Variants in SUGCT observed in about 807,000 individuals in gnomAD.
SUGCT encodes succinyl-CoA:glutarate CoA-transferase.
In SUGCT, 41 loss-of-function variants were observed where a neutral mutation model predicts 55.0. The ratio of observed to expected loss-of-function variants is 0.74; its 90% CI spans 0.58 to 0.97. The LOEUF (loss-of-function observed/expected upper bound fraction) is 0.97, where lower values mean the gene tolerates loss of function less well. Among genes scored for constraint, SUGCT ranks in the 50% least tolerant of loss-of-function variants. The pLI is 0.00. For missense variants in SUGCT, 568 were observed against 547.8 expected (o/e 1.04, Z -0.37); for synonymous variants, 187 against 200.4 (o/e 0.93, Z 0.56).
intron 8 of SUGCT, among the ~76,000 whole-genome samples, chr7:40,278,265 G>T (rs1048922435): frequency 9.2e-5 from 14 of 152,120 alleles, no homozygotes; most frequent in Non-Finnish European, 1.8e-4. Flanking sequence ...TCATTAAAAA[G>T]TCAGGAAACA....
At chr7:40,752,218 G>A (rs776839204) in intron 13 of SUGCT, among the ~76,000 whole-genome samples, 4 of 152,126 alleles carry the variant, frequency 2.6e-5, no homozygotes, top group South Asian at 2.1e-4. Flanking sequence ...TTTCTAATCC[G>A]TGTGTCTCTC....
chr7:40,215,245 C>T (rs934637140), intron 6 of SUGCT, among the ~76,000 whole-genome samples: 28 of 152,058 alleles, frequency 1.8e-4, no homozygotes, highest in Non-Finnish European at 3.1e-4. Flanking sequence ...TGGGCTCAAA[C>T]GATCTTCCTA....
At chr7:40,220,123 A>C (rs928727229) in intron 6 of SUGCT, among the ~76,000 whole-genome samples, 1 of 152,190 alleles carries the variant, frequency 6.6e-6, no homozygotes, top group Non-Finnish European at 1.5e-5. Flanking sequence ...TCTACTAAAC[A>C]TGGTATGTGA....
chr7:40,907,232 A>G, the SUGCT span, among the ~76,000 whole-genome samples: 1 of 151,884 alleles, frequency 6.6e-6, no homozygotes, highest in Non-Finnish European at 1.5e-5. Context: ...ACTCTTTCTT[A>G]GCTCAGAAAT....
the SUGCT span, among the ~76,000 whole-genome samples, chr7:40,951,473 A>T: frequency 6.6e-6 from 1 of 151,888 alleles, no homozygotes; most frequent in African/African-American, 2.4e-5. Flanking sequence ...CTCTGATCTT[A>T]GTTGTTTCTT....
At chr7:40,478,090 T>G (rs1790806188) in intron 11 of SUGCT, among the ~76,000 whole-genome samples, 1 of 152,170 alleles carries the variant, frequency 6.6e-6, no homozygotes, top group Non-Finnish European at 1.5e-5. Context: ...ACTCTTGGGC[T>G]CAAGGGATCC....
rs779359235 is a variant in SUGCT at position 40,237,685 on chromosome 7, G to T, written c.535G>T (p.Ala179Ser). The T allele has an allele frequency of 6.2e-7, 1 of 1,613,828 alleles. No homozygotes were observed. Among genetic ancestry groups the T allele is most frequent in the Non-Finnish European group, 8.5e-7 (1 of 1,179,886 alleles). The change falls in exon 7 of 14, where the codon GCC (alanine) becomes TCC (serine). Residue 179 changes from alanine (A) to serine (S), a missense_variant. Ala to Ser is a moderately conservative substitution (Grantham distance 99). Coordinates refer to ENST00000335693, the MANE Select transcript of SUGCT (RefSeq NM_001193313.2). ...ISQRAGYDAV[A>S]SAVSGLMHIT... is the part of the protein sequence containing the mutation. ...TCAGCGAGCTGGTTATGATGCTGTT[G>T]CCTCGGCTGTTTCTGGTCTGATGCA...
At chr7:40,755,050 G>A (rs1584390588) in intron 13 of SUGCT, among the ~76,000 whole-genome samples, 1 of 152,180 alleles carries the variant, frequency 6.6e-6, no homozygotes, top group South Asian at 2.1e-4. Flanking sequence ...CTCCAGTGGA[G>A]AAACAGGGAG....
At chr7:40,931,006 C>A in the SUGCT span, among the ~76,000 whole-genome samples, 1 of 152,156 alleles carries the variant, frequency 6.6e-6, no homozygotes, top group East Asian at 1.9e-4. Flanking sequence ...TGCCAGTTTT[C>A]AAAGGGAATG....
Position 40,188,205 on chromosome 7 carries a change from G to A in SUGCT, c.227-290G>A, listed in dbSNP as rs193174297. Among the ~76,000 whole-genome samples, 337 of 152,058 alleles carry A rather than the reference G, an allele frequency of 2.2e-3. 2 individuals carry two copies. The highest frequency in any genetic ancestry group is 4.6e-3 in the African/African-American group (192 of 41,478). On this transcript the variant is annotated intron_variant, in intron 3 of 13. Transcript: ENST00000335693. ...TCCCAGCACTTTGGGAAGCTGAAGC[G>A]GGTGGATCACCTGAGGTCAGGAGTT...
the SUGCT span, among the ~76,000 whole-genome samples, chr7:40,995,108 G>A: frequency 6.6e-6 from 1 of 152,058 alleles, no homozygotes; most frequent in African/African-American, 2.4e-5. Flanking sequence ...ATACAATTCT[G>A]ACAGATAATG....
At chr7:40,898,490 G>GGGGGGGGGGGGGGGGT in the SUGCT span, among the ~76,000 whole-genome samples, 1 of 112,776 alleles carries the variant, frequency 8.9e-6, no homozygotes, top group Non-Finnish European at 2.1e-5. Flanking sequence ...CGGGGGGGGG[G>GGGGGGGGGGGGGGGGT]GGGGGGGTGG....
At chr7:40,283,331 A>G (rs1249346732) in intron 8 of SUGCT, among the ~76,000 whole-genome samples, 2 of 151,490 alleles carry the variant, frequency 1.3e-5, no homozygotes, top group African/African-American at 4.9e-5. Flanking sequence ...CAGGTTCAAG[A>G]CATTCTTCTG....
chr7:40,603,229 A>T (rs1298949502), intron 12 of SUGCT, among the ~76,000 whole-genome samples: 1 of 152,182 alleles, frequency 6.6e-6, no homozygotes, highest in African/African-American at 2.4e-5. Context: ...TTTACACTTG[A>T]ATAATTGGAT....
intron 12 of SUGCT, among the ~76,000 whole-genome samples, chr7:40,592,853 T>G (rs146584662): frequency 0.012 from 1,856 of 152,258 alleles, 32 homozygotes; most frequent in Middle Eastern, 0.017. Flanking sequence ...AGGTCTTGGG[T>G]ATGGTCCCTA....
chr7:40,767,116 C>CT (rs1788838698), intron 13 of SUGCT, among the ~76,000 whole-genome samples: 1 of 152,130 alleles, frequency 6.6e-6, no homozygotes, highest in African/African-American at 2.4e-5. Flanking sequence ...ACTTTTGAAT[C>CT]TATCTTTTGC....
intron 9 of SUGCT, among the ~76,000 whole-genome samples, chr7:40,440,611 C>A (rs986555112): frequency 1.3e-5 from 2 of 152,124 alleles, no homozygotes; most frequent in Non-Finnish European, 2.9e-5. Flanking sequence ...CCATGATATT[C>A]ATGATATTTA....
At chr7:40,752,040 C>A (rs1315118890) in intron 13 of SUGCT, among the ~76,000 whole-genome samples, 3 of 152,176 alleles carry the variant, frequency 2.0e-5, no homozygotes. Context: ...CACAAGAATG[C>A]TGTGTAAGAA....
chr7:40,367,346 G>C (rs893783440), intron 9 of SUGCT, among the ~76,000 whole-genome samples: 2 of 151,410 alleles, frequency 1.3e-5, no homozygotes, highest in Non-Finnish European at 2.9e-5. Context: ...CAGGACACCA[G>C]CATGGCACAT....
Sources: allele counts gnomAD v4.1 joint callset (sites outside exome capture counted in the v4.1 genomes callset), GRCh38; gene constraint gnomAD v4.1.1; transcripts MANE v1.5; gene names NCBI Gene and HGNC (gene_info 2026-07-23, HGNC 2026-07-21).